Variants in KLHL11 observed in about 807,000 individuals in gnomAD.
KLHL11 encodes the protein kelch-like protein 11.
A neutral mutation model predicts 56.1 loss-of-function variants in KLHL11; 26 were observed. The observed-to-expected ratio is 0.46, with a 90% confidence interval of 0.34 to 0.64. The LOEUF is 0.64. KLHL11 is among the 30% of genes least tolerant of loss of function. KLHL11 has a pLI of 0.01. For synonymous variants in KLHL11, 338 were observed against 345.8 expected, an observed-to-expected ratio of 0.98 and a Z score of 0.25; for missense variants, 627 against 919.4, an observed-to-expected ratio of 0.68 and a Z score of 4.11.
At chr17:41,858,740 A>G (rs1653723054) in intron 1 of KLHL11, among the ~76,000 whole-genome samples, 1 of 151,886 alleles carries the variant, frequency 6.6e-6, no homozygotes, top group Non-Finnish European at 1.5e-5. Context: ...GGCCACCCAG[A>G]TAATTTTTTT....
Position 41,865,332 on chromosome 17 carries a change from G to T in KLHL11, c.39C>A (p.Ala13=). Residue 13 remains alanine (A), a synonymous_variant, in exon 1 of 2, where the codon GCC becomes GCA. Coordinates refer to ENST00000319121, the MANE Select transcript of KLHL11 (RefSeq NM_018143.3). ...CCAGTACCTGAAGAGATGCAGCCGCGGCCGCCGCCGCCGCCGCCGCCACTG... is the reference window on the plus strand; with the variant it reads ...CCAGTACCTGAAGAGATGCAGCCGCTGCCGCCGCCGCCGCCGCCGCCACTG... ...AAAVAAAAAA[A]AAASLQVLEM... is the part of the protein sequence containing the mutation. 6.9e-7 allele frequency: 1 copy of T among 1,442,318 alleles called. No individual in the cohort carries two copies. Among genetic ancestry groups the T allele is most frequent in the Non-Finnish European group, 9.0e-7 (1 of 1,110,970 alleles). 89.3% of individuals were successfully genotyped at this position (1,442,318 alleles called of 1,614,324 possible).
At chr17:41,861,065 C>T (rs1050349685) in intron 1 of KLHL11, among the ~76,000 whole-genome samples, 5 of 152,154 alleles carry the variant, frequency 3.3e-5, no homozygotes, top group South Asian at 2.1e-4. Context: ...CGAGGAAAGA[C>T]GCACTCACAG....
chr17:41,863,986 C>T (rs1480722427), intron 1 of KLHL11, among the ~76,000 whole-genome samples: 1 of 152,218 alleles, frequency 6.6e-6, no homozygotes, highest in African/African-American at 2.4e-5. Context: ...CATCTACCAA[C>T]CTAAGTGCGA....
At position 41,853,904 on chromosome 17, in the gene KLHL11, T is replaced by C. The variant is rs782765270; in HGVS notation, c.1963A>G (p.Thr655Ala). The change falls in exon 2 of 2, where the codon ACT (threonine) becomes GCT (alanine). Residue 655 changes from threonine (T) to alanine (A), a missense_variant. Physicochemically the swap from Thr to Ala is moderately conservative, Grantham distance 58. Around this residue, in one of 4 missense-constraint regions of KLHL11, gnomAD observed 250 missense variants for 360.6 expected, o/e 0.69. Coordinates refer to ENST00000319121, the MANE Select transcript of KLHL11 (RefSeq NM_018143.3). Reference protein sequence around the residue: ...PPMPQPRCRATACHVRIPYRY... With the variant: ...PPMPQPRCRAAACHVRIPYRY... ...TATGGGATCCTCACGTGACAAGCAGTGGCTCTACAACGAGGTTGTGGCATA... is the reference window on the plus strand; with the variant it reads ...TATGGGATCCTCACGTGACAAGCAGCGGCTCTACAACGAGGTTGTGGCATA... 1 of 1,614,222 alleles carries C rather than the reference T, an allele frequency of 6.2e-7. No individual in the cohort carries two copies. Among genetic ancestry groups the C allele is most frequent in the Non-Finnish European group, 8.5e-7 (1 of 1,180,042 alleles).
Position 41,850,692 on chromosome 17 carries a change from G to C in KLHL11, c.*3048C>G, listed in dbSNP as rs1018782939. 1.3e-5 allele frequency: 2 copies of C among 152,292 alleles called. No homozygotes were observed. Among genetic ancestry groups the C allele is most frequent in the Middle Eastern group, 6.8e-3 (2 of 294 alleles). The allele number at this position is 152,292 out of a possible 1,614,324, so 9.4% of individuals were successfully genotyped here. On this transcript the variant is annotated 3_prime_UTR_variant, in exon 2 of 2. Coordinates refer to ENST00000319121, the MANE Select transcript of KLHL11 (RefSeq NM_018143.3). ...ATAGACCTATCACAGCTAAGAATTA[G>C]TGCTTCTCAGAATCCAAATGGCTTT... is the stretch of plus-strand genomic sequence containing the variant.
rs1444987015 is a variant in KLHL11, at chr17:41,850,569, A to G, written c.*3171T>C. 4 of 152,248 alleles carry G rather than the reference A, an allele frequency of 2.6e-5. No homozygotes were observed. The highest frequency in any genetic ancestry group is 4.8e-5 in the African/African-American group (2 of 41,462). The allele number at this position is 152,248 out of a possible 1,614,324, so 9.4% of individuals were successfully genotyped here. ...ATCGTAGTGAGATACTAAATTATTTAAATACAATCAAGAAAACGAAGTTTG... is the reference window on the plus strand; with the variant it reads ...ATCGTAGTGAGATACTAAATTATTTGAATACAATCAAGAAAACGAAGTTTG... On this transcript the variant is annotated 3_prime_UTR_variant, in exon 2 of 2. Coordinates refer to ENST00000319121, the MANE Select transcript of KLHL11 (RefSeq NM_018143.3).
At position 41,853,638 on chromosome 17, in the gene KLHL11, T is replaced by C. The variant is rs1328011155; in HGVS notation, c.*102A>G. ...TTTATATGGGGTAATAATCAGTTCA[T>C]GTAGAAAATAAGTTATCGACATACT... is the stretch of plus-strand genomic sequence containing the variant. On this transcript the variant is annotated 3_prime_UTR_variant, in exon 2 of 2. Coordinates refer to ENST00000319121, the MANE Select transcript of KLHL11 (RefSeq NM_018143.3). 2.0e-5 allele frequency: 27 copies of C among 1,354,354 alleles called. No homozygotes were observed. Among genetic ancestry groups the C allele is most frequent in the Non-Finnish European group, 2.6e-5 (26 of 999,316 alleles). 83.9% of individuals were successfully genotyped at this position (1,354,354 alleles called of 1,614,324 possible).
rs1555622257 is a variant in KLHL11, at chr17:41,854,220, G to C, written c.1647C>G (p.Phe549Leu). ...AGTTTGAATTGACCACAGACATTTG[G>C]AAAAAGCAGTAATTGTCAATAAGCG... ...SLPLIDNYCF[F>L]QMSVVNSNFY... The change falls in exon 2 of 2, where the codon TTC becomes TTG. Residue 549 changes from phenylalanine to leucine, a missense_variant. By Grantham distance (22) the Phe-to-Leu change is conservative (BLOSUM62 0). Coordinates refer to ENST00000319121, the MANE Select transcript of KLHL11 (RefSeq NM_018143.3). The surrounding 1 kb of genome is among the most constrained non-coding windows in gnomAD (Gnocchi z 4.9). 6.2e-7 allele frequency: 1 copy of C among 1,614,116 alleles called. No homozygotes were observed. Among genetic ancestry groups the C allele is most frequent in the Admixed American group, 1.7e-5 (1 of 60,008 alleles).
intron 1 of KLHL11, among the ~76,000 whole-genome samples, chr17:41,855,972 G>A (rs11871200): frequency 0.76 from 114,605 of 150,764 alleles, 43,751 homozygotes; most frequent in Admixed American, 0.85. Context: ...TGCCATGCCC[G>A]GCCTACACCA....
At chr17:41,856,153 G>A (rs1355864624) in intron 1 of KLHL11, among the ~76,000 whole-genome samples, 2 of 152,108 alleles carry the variant, frequency 1.3e-5, no homozygotes, top group South Asian at 2.1e-4. Context: ...ACCACACCCA[G>A]CTAATTTTTG....
intron 1 of KLHL11, among the ~76,000 whole-genome samples, chr17:41,860,232 C>T (rs915940954): frequency 7.2e-5 from 11 of 152,114 alleles, no homozygotes; most frequent in African/African-American, 2.7e-4. Flanking sequence ...AATTTGGAGA[C>T]AAATTCCCTT....
At chr17:41,856,211 G>A (rs933533844) in intron 1 of KLHL11, among the ~76,000 whole-genome samples, 10 of 152,014 alleles carry the variant, frequency 6.6e-5, no homozygotes, top group Non-Finnish European at 1.3e-4. Flanking sequence ...GGCTGGTCTC[G>A]AACTCCTGAC....
In KLHL11 at chr17:41,854,783, T is replaced by G. The variant is rs143690953; in HGVS notation, c.1084A>C (p.Met362Leu). 32 of 1,614,164 alleles carry G rather than the reference T, an allele frequency of 2.0e-5. No homozygotes were observed. The highest frequency in any genetic ancestry group is 2.6e-5 in the Non-Finnish European group (31 of 1,180,034). The change falls in exon 2 of 2, where the codon ATG (methionine) becomes CTG (leucine). Residue 362 changes from methionine (M) to leucine (L), a missense_variant. Met to Leu is a conservative substitution (Grantham distance 15). Coordinates refer to ENST00000319121, the MANE Select transcript of KLHL11 (RefSeq NM_018143.3). This position sits in a 1 kb window ranked among gnomAD's most constrained non-coding sequence, Gnocchi z 4.9. ...PRYGQNMDVIMVIGGVSEGGD... is the reference protein window; with the variant it reads ...PRYGQNMDVILVIGGVSEGGD... The stretch of plus-strand genomic sequence containing the variant: ...CCTTCTGACACACCTCCAATAACCA[T>G]GATCACATCCATGTTTTGCCCATAA...
Position 41,850,029 on chromosome 17 carries a change from A to G in KLHL11, c.*3711T>C, listed in dbSNP as rs2048324346. On this transcript the variant is annotated 3_prime_UTR_variant, in exon 2 of 2. Transcript: ENST00000319121. ...AACTGCTTACATTACCAAAAACAAT[A>G]TTTTAAGTTTTCTCATCAAAAAGGA... The G allele has an allele frequency of 6.6e-6, 1 of 152,180 alleles. No homozygotes were observed. Among genetic ancestry groups the G allele is most frequent in the African/African-American group, 2.4e-5 (1 of 41,464 alleles). The allele number at this position is 152,180 out of a possible 1,614,324, so 9.4% of individuals were successfully genotyped here.
At position 41,854,085 on chromosome 17, in the gene KLHL11, T is replaced by C; in HGVS notation, c.1782A>G (p.Pro594=). The change falls in exon 2 of 2, where the codon CCA becomes CCG. Residue 594 remains proline (P), a synonymous_variant. Transcript: ENST00000319121. This position sits in a 1 kb window ranked among gnomAD's most constrained non-coding sequence, Gnocchi z 4.9. ...CTGCTCCTTCGATGCTTAGGACTTC[T>C]GGAGGCAAGCTTTCAAGGATCTCAT... The part of the protein sequence containing the change: ...VSDEILESLP[P]EVLSIEGAAI... The C allele has an allele frequency of 6.2e-7, 1 of 1,614,248 alleles. No individual in the cohort carries two copies. Among genetic ancestry groups the C allele is most frequent in the Non-Finnish European group, 8.5e-7 (1 of 1,180,042 alleles).
chr17:41,865,140 G>A lies in KLHL11; in HGVS notation c.231C>T (p.Cys77=), dbSNP rs1555623416. 1 of 1,610,284 alleles carries A rather than the reference G, an allele frequency of 6.2e-7. No individual in the cohort carries two copies. The highest frequency in any genetic ancestry group is 1.7e-5 in the Admixed American group (1 of 59,760). Residue 77 remains cysteine (C), a synonymous_variant, in exon 1 of 2, where the codon TGC becomes TGT. Transcript: ENST00000319121. ...EAEDFECSSH[C]SELSWRQNEQ... is the part of the protein sequence containing the mutation. ...CGTTCTGCCGCCAGGACAGCTCTGA[G>A]CAGTGAGAGCTGCACTCGAAATCCT...
rs1244103683 is a variant in KLHL11, at chr17:41,850,773, A to G, written c.*2967T>C. On this transcript the variant is annotated 3_prime_UTR_variant, in exon 2 of 2. Coordinates refer to ENST00000319121, the MANE Select transcript of KLHL11 (RefSeq NM_018143.3). ...GAGAAAAAGGTAGTGGTGGGATGGG[A>G]CAATATAATAATATATCCTTATATG... is the stretch of plus-strand genomic sequence containing the variant. 6.6e-6 allele frequency: 1 copy of G among 152,196 alleles called. No individual in the cohort carries two copies. The highest frequency in any genetic ancestry group is 1.5e-5 in the Non-Finnish European group (1 of 68,030). The allele number at this position is 152,196 out of a possible 1,614,324, so 9.4% of individuals were successfully genotyped here.
Position 41,853,611 on chromosome 17 carries a change from C to A in KLHL11, c.*129G>T, listed in dbSNP as rs1227000588. On this transcript the variant is annotated 3_prime_UTR_variant, in exon 2 of 2. Coordinates refer to ENST00000319121, the MANE Select transcript of KLHL11 (RefSeq NM_018143.3). The stretch of plus-strand genomic sequence containing the variant: ...CATTCTTTAGTTTTTAACTCTATTT[C>A]CTTTATATGGGGTAATAATCAGTTC... 1 of 1,102,048 alleles carries A rather than the reference C, an allele frequency of 9.1e-7. No individual in the cohort carries two copies. The highest frequency in any genetic ancestry group is 1.3e-6 in the Non-Finnish European group (1 of 793,566). The allele number at this position is 1,102,048 out of a possible 1,614,324, so 68.3% of individuals were successfully genotyped here.
Position 41,854,582 on chromosome 17 carries a change from T to G in KLHL11, c.1285A>C (p.Asn429His), listed in dbSNP as rs1555622334. ...CAAACATGTTCCCATGTATTCAAATTTGGGTTATACCTTTCTACAGTTTTA... is the reference window on the plus strand; with the variant it reads ...CAAACATGTTCCCATGTATTCAAATGTGGGTTATACCTTTCTACAGTTTTA... ...FAKTVERYNPNLNTWEHVCSL... is the reference protein window; with the variant it reads ...FAKTVERYNPHLNTWEHVCSL... The change falls in exon 2 of 2, where the codon AAT becomes CAT. Residue 429 changes from asparagine (N) to histidine (H), a missense_variant. Asn to His is a moderately conservative substitution (Grantham distance 68). This residue lies in a region of KLHL11 where 250 missense variants were observed against 360.6 expected (regional missense o/e 0.69). Transcript: ENST00000319121. This position sits in a 1 kb window ranked among gnomAD's most constrained non-coding sequence, Gnocchi z 4.9. 6.2e-7 allele frequency: 1 copy of G among 1,614,236 alleles called. No homozygotes were observed. Among genetic ancestry groups the G allele is most frequent in the Admixed American group, 1.7e-5 (1 of 60,026 alleles).
Sources: allele counts gnomAD v4.1 joint callset (sites outside exome capture counted in the v4.1 genomes callset), GRCh38; gene constraint gnomAD v4.1.1; regional missense constraint gnomAD v4.1.1; non-coding constraint Gnocchi (gnomAD v3.1); transcripts MANE v1.5; gene names NCBI Gene and HGNC (gene_info 2026-07-23, HGNC 2026-07-21).